The following TMEM131L variants were observed in gnomAD, a reference collection of about 807,000 sequenced individuals.
TMEM131L encodes transmembrane 131 like, also known as transmembrane protein 131-like.
Under a neutral mutation model 192.2 loss-of-function variants are expected in TMEM131L, and 54 were observed. That is an observed-to-expected ratio of 0.28 (90% CI 0.23 to 0.35). The LOEUF (loss-of-function observed/expected upper bound fraction) is 0.35. TMEM131L is among the 10% of genes least tolerant of loss of function. The probability of loss-of-function intolerance (pLI) is 1.00; values close to 1 mark genes in which losing one functional copy is unlikely to be tolerated. For synonymous variants in TMEM131L, 701 were observed against 704.9 expected (o/e 0.99, Z 0.09); for missense variants, 1,888 against 1,972.9 (o/e 0.96, Z 0.82).
intron 3 of TMEM131L, among the ~76,000 whole-genome samples, chr4:153,527,528 TG>T (rs1690736931): frequency 6.6e-6 from 1 of 152,166 alleles, no homozygotes; most frequent in African/African-American, 2.4e-5. Flanking sequence ...CCGCTTGCCT[TG>T]GCCTCTCAGT....
intron 7 of TMEM131L, 141 bp downstream of exon 7, chr4:153,558,509 C>T (rs1204611652): frequency 2.1e-6 from 1 of 477,414 alleles, no homozygotes; most frequent in African/African-American, 1.9e-5. Flanking sequence ...GTGGATTCCA[C>T]CTAACTTCTT....
At position 153,488,698 on chromosome 4, in the gene TMEM131L, G is replaced by A. The variant is rs150699945; in HGVS notation, c.239+14810G>A. 3.1e-3 allele frequency among the ~76,000 whole-genome samples: 477 copies of A among 152,306 alleles called. 1 individual carries two copies. Among genetic ancestry groups the A allele is most frequent in the African/African-American group, 0.011 (445 of 41,546 alleles). ...TATTAATTTCCCAGGGCTGTCTAACGAAGTGCCACAAACTGCGCGGCTTTA... is the reference window on the plus strand; with the variant it reads ...TATTAATTTCCCAGGGCTGTCTAACAAAGTGCCACAAACTGCGCGGCTTTA... On this transcript the variant is annotated intron_variant, in intron 3 of 34. Transcript: ENST00000409959.
At position 153,466,369 on chromosome 4, in the gene TMEM131L, G is replaced by A; in HGVS notation, c.-29G>A. The stretch of plus-strand genomic sequence containing the variant: ...CCAGCGAGCTAGCGGCGAGCGCGGC[G>A]AGCAACGGAGAGGAGCGCGAGCAGC... On this transcript the variant is annotated 5_prime_UTR_variant, in exon 1 of 35. Coordinates refer to ENST00000409959, the MANE Select transcript of TMEM131L (RefSeq NM_001131007.2). 1 of 1,250,744 alleles carries A rather than the reference G, an allele frequency of 8.0e-7. No individual in the cohort carries two copies. Among genetic ancestry groups the A allele is most frequent in the Non-Finnish European group, 1.0e-6 (1 of 994,744 alleles). 77.5% of individuals were successfully genotyped at this position (1,250,744 alleles called of 1,614,324 possible). A position where few individuals can be genotyped will look rare whatever the true frequency, so the allele number is the denominator to read the frequency against.
intron 3 of TMEM131L, among the ~76,000 whole-genome samples, chr4:153,490,265 C>A (rs1732668905): frequency 6.6e-6 from 1 of 152,254 alleles, no homozygotes; most frequent in East Asian, 1.9e-4. Flanking sequence ...TTAGCAGATT[C>A]ATGTTTTGGG....
At chr4:153,468,500 T>C (rs1730929996) in intron 2 of TMEM131L, among the ~76,000 whole-genome samples, 1 of 152,186 alleles carries the variant, frequency 6.6e-6, no homozygotes, top group African/African-American at 2.4e-5. Context: ...TACAGAAATA[T>C]AAAAAGAACA....
intron 3 of TMEM131L, among the ~76,000 whole-genome samples, chr4:153,476,645 T>C (rs1026217510): frequency 1.3e-4 from 20 of 152,012 alleles, no homozygotes; most frequent in Admixed American, 3.3e-4. Flanking sequence ...TGCAGTGAGC[T>C]GAGATCGCAC....
At chr4:153,508,020 T>A (rs1042938633) in intron 3 of TMEM131L, among the ~76,000 whole-genome samples, 2 of 152,110 alleles carry the variant, frequency 1.3e-5, no homozygotes, top group African/African-American at 4.8e-5. Flanking sequence ...CTGATTAGAA[T>A]GTGAAGGCCT....
chr4:153,634,154 A>G, intron 32 of TMEM131L, 38 bp from the exon 33 acceptor site: 4 of 1,530,744 alleles, frequency 2.6e-6, no homozygotes, highest in Non-Finnish European at 2.7e-6. Context: ...ATGTCTTGAC[A>G]TCCTGTTTCT....
At chr4:153,578,741 T>C (rs1262038496) in intron 7 of TMEM131L, among the ~76,000 whole-genome samples, 1 of 151,884 alleles carries the variant, frequency 6.6e-6, no homozygotes, top group Non-Finnish European at 1.5e-5. Context: ...AGGATGGTCT[T>C]GATCTCCTGA....
chr4:153,561,963 CA>C lies in TMEM131L; in HGVS notation c.660+3607del, dbSNP rs11384119. Among the ~76,000 whole-genome samples, 1,407 of 141,898 alleles carry C rather than the reference CA, an allele frequency of 9.9e-3. 15 individuals are homozygous for C. The highest frequency in any genetic ancestry group is 0.031 in the African/African-American group (1,207 of 39,266). 93.1% of individuals were successfully genotyped at this position (141,898 alleles called of 152,430 possible). On this transcript the variant is annotated intron_variant, in intron 7 of 34. Transcript: ENST00000409959. ...AACCAGTATTTAAAAATCTGAATAT[CA>C]AAAAAAAAAAACCTCTTAAAAGTCA... is the stretch of plus-strand genomic sequence containing the variant.
chr4:153,547,315 G>C (rs1737257792), intron 3 of TMEM131L, among the ~76,000 whole-genome samples: 1 of 152,184 alleles, frequency 6.6e-6, no homozygotes, highest in Non-Finnish European at 1.5e-5. Flanking sequence ...ACCTCTATCA[G>C]AATATGAGAC....
intron 32 of TMEM131L, among the ~76,000 whole-genome samples, chr4:153,633,956 C>G (rs938506199): frequency 1.3e-5 from 2 of 152,200 alleles, no homozygotes; most frequent in African/African-American, 4.8e-5. Context: ...ACTTAACAAG[C>G]ATAGTTAAAA....
intron 4 of TMEM131L, among the ~76,000 whole-genome samples, chr4:153,552,990 C>T (rs1487956194): frequency 2.0e-5 from 3 of 147,776 alleles, no homozygotes; most frequent in African/African-American, 7.6e-5. Context: ...TTGGTTGAAT[C>T]TGCAGATATG....
At chr4:153,569,339 G>A (rs1729429968) in intron 7 of TMEM131L, among the ~76,000 whole-genome samples, 1 of 152,146 alleles carries the variant, frequency 6.6e-6, no homozygotes, top group Non-Finnish European at 1.5e-5. Context: ...TCCTCGGACT[G>A]CTGGGGTCTG....
intron 3 of TMEM131L, among the ~76,000 whole-genome samples, chr4:153,493,772 C>T (rs59953380): frequency 0.075 from 11,381 of 152,208 alleles, 748 homozygotes; most frequent in East Asian, 0.23. Flanking sequence ...TAGTTTGCCC[C>T]TCTCTCAAAT....
intron 26 of TMEM131L, among the ~76,000 whole-genome samples, chr4:153,617,341 G>A (rs1274361610): frequency 6.6e-6 from 1 of 152,230 alleles, no homozygotes; most frequent in Non-Finnish European, 1.5e-5. Context: ...GTCTTTATCA[G>A]CAGCGTGAAA....
intron 30 of TMEM131L, 124 bp from the exon 31 acceptor site, chr4:153,627,481 T>C: frequency 1.5e-6 from 1 of 660,396 alleles, no homozygotes; most frequent in Non-Finnish European, 2.7e-6. Context: ...GTATGTTTCT[T>C]CCCCAAGAAA....
At chr4:153,542,557 A>G (rs1736868963) in intron 3 of TMEM131L, among the ~76,000 whole-genome samples, 1 of 152,216 alleles carries the variant, frequency 6.6e-6, no homozygotes, top group Non-Finnish European at 1.5e-5. Flanking sequence ...CGAAAGTGCA[A>G]TGGATGATTA....
chr4:153,630,140 A>G (rs926079110), intron 31 of TMEM131L, among the ~76,000 whole-genome samples: 19 of 152,228 alleles, frequency 1.2e-4, no homozygotes, highest in Admixed American at 6.5e-5. Context: ...ATTGTCTCAC[A>G]ACATACACAC....
Sources: gnomAD v4.1 joint callset for allele counts (sites outside exome capture counted in the v4.1 genomes callset) on GRCh38, gnomAD v4.1.1 for gene constraint, MANE v1.5 for transcripts, NCBI Gene and HGNC (gene_info 2026-07-23, HGNC 2026-07-21) for gene names.